The following ESRP1 variants were observed in gnomAD, a reference collection of about 807,000 sequenced individuals.
ESRP1 encodes the protein epithelial splicing regulatory protein 1.
Under a neutral mutation model 81.7 loss-of-function variants are expected in ESRP1, and 33 were observed. That is an observed-to-expected ratio of 0.40 (90% confidence interval 0.31 to 0.54). The LOEUF (loss-of-function observed/expected upper bound fraction) is 0.54, where lower values mean the gene tolerates loss of function less well. Ranked by LOEUF, ESRP1 falls within the 20% of genes least tolerant of loss-of-function variation. The pLI is 0.41. For synonymous variants in ESRP1, 320 were observed against 303.3 expected (o/e 1.06, Z -0.57); for missense variants, 672 against 833.1 (o/e 0.81, Z 2.38).
At chr8:94,679,953 T>A (rs919679100) in intron 13 of ESRP1, among the ~76,000 whole-genome samples, 1 of 151,942 alleles carries the variant, frequency 6.6e-6, no homozygotes, top group African/African-American at 2.4e-5. Flanking sequence ...AGTAAAAATA[T>A]AATTTAAGTT....
chr8:94,641,874 C>A, intron 1 of ESRP1, 82 bp from the exon 2 acceptor site: 1 of 1,569,658 alleles, frequency 6.4e-7, no homozygotes, highest in South Asian at 1.2e-5. Context: ...GCGGGCCGCC[C>A]CAGCAGGGGA....
intron 15 of ESRP1, among the ~76,000 whole-genome samples, chr8:94,702,779 A>T (rs1267315901): frequency 1.3e-5 from 2 of 152,090 alleles, no homozygotes; most frequent in South Asian, 4.1e-4. Context: ...CGCCACGCCC[A>T]GCCTTCAAGT....
At chr8:94,650,129 A>G (rs1818048812) in intron 4 of ESRP1, among the ~76,000 whole-genome samples, 1 of 152,166 alleles carries the variant, frequency 6.6e-6, no homozygotes, top group Non-Finnish European at 1.5e-5. Flanking sequence ...CAAAGTTCAT[A>G]GTTTACATTG....
Position 94,667,441 on chromosome 8 carries a change from A to AT in ESRP1, c.932-508_932-507insT, listed in dbSNP as rs1819087199. On this transcript the variant is annotated intron_variant, in intron 9 of 15. Transcript: ENST00000433389. ...TGTTTGAACCTTTCTTAATTAAAAA[A>AT]AAAAAAGGTAATTGAGTTACTTGCA... Among the ~76,000 whole-genome samples the AT allele has an allele frequency of 2.0e-5, 3 of 151,908 alleles. No homozygotes were observed. The South Asian group carries it at 6.3e-4, about 32-fold the overall frequency.
At position 94,641,346 on chromosome 8, in the gene ESRP1, G is replaced by T; in HGVS notation, c.28G>T (p.Val10Leu). 6.2e-7 allele frequency: 1 copy of T among 1,613,876 alleles called. No homozygotes were observed. Among genetic ancestry groups the T allele is most frequent in the Non-Finnish European group, 8.5e-7 (1 of 1,179,872 alleles). The change falls in exon 1 of 16, where the codon GTG (valine) becomes TTG (leucine). Residue 10 changes from valine (V) to leucine (L), a missense_variant. Transcript: ENST00000433389. ...GACGGCCTCTCCGGATTACTTGGTG[G>T]TGCTTTTTGGGATCACTGCTGGGGC... MTASPDYLV[V>L]LFGITAGATG...
intron 15 of ESRP1, among the ~76,000 whole-genome samples, chr8:94,702,779 A>G (rs1267315901): frequency 6.6e-6 from 1 of 152,090 alleles, no homozygotes; most frequent in Non-Finnish European, 1.5e-5. Flanking sequence ...CGCCACGCCC[A>G]GCCTTCAAGT....
At chr8:94,651,107 C>A (rs951573995) in intron 4 of ESRP1, among the ~76,000 whole-genome samples, 4 of 151,876 alleles carry the variant, frequency 2.6e-5, no homozygotes, top group Non-Finnish European at 5.9e-5. Context: ...GTGTTTAAGG[C>A]AGACTTTTTT....
chr8:94,693,511 T>C (rs1809484574), intron 14 of ESRP1, among the ~76,000 whole-genome samples: 2 of 152,234 alleles, frequency 1.3e-5, no homozygotes, highest in Admixed American at 1.3e-4. Context: ...GCAGATAGCT[T>C]TCTTTCCTCA....
At position 94,674,491 on chromosome 8, in the gene ESRP1, C is replaced by T; in HGVS notation, c.1636C>T (p.Pro546Ser). 1 of 1,612,876 alleles carries T rather than the reference C, an allele frequency of 6.2e-7. No individual in the cohort carries two copies. The highest frequency in any genetic ancestry group is 8.5e-7 in the Non-Finnish European group (1 of 1,179,386). Residue 546 changes from proline to serine, a missense_variant, in exon 12 of 16, where the codon CCA (proline) becomes TCA (serine). Physicochemically the swap from Pro to Ser is moderately conservative, Grantham distance 74. Coordinates refer to ENST00000433389, the MANE Select transcript of ESRP1 (RefSeq NM_017697.4). The part of the protein sequence containing the change: ...TLNRNGLSPP[P>S]CKLPCLSPPS... ...AAATCGAAATGGCTTATCCCCACCG[C>T]CATGTAAGTTACCATGTAAGTTTTT...
chr8:94,705,975 C>T lies in ESRP1; in HGVS notation c.*86C>T. On this transcript the variant is annotated 3_prime_UTR_variant, in exon 16 of 16. Coordinates refer to ENST00000433389, the MANE Select transcript of ESRP1 (RefSeq NM_017697.4). ...GAAACCTCCAGACACAAGAAAACTT[C>T]TAGCAAATTCAGGGGAAGTTTGTCT... 6.6e-7 allele frequency: 1 copy of T among 1,511,214 alleles called. No individual in the cohort carries two copies. Among genetic ancestry groups the T allele is most frequent in the South Asian group, 1.3e-5 (1 of 77,346 alleles). 93.6% of individuals were successfully genotyped at this position (1,511,214 alleles called of 1,614,324 possible). A position where few individuals can be genotyped will look rare whatever the true frequency, so the allele number is the denominator to read the frequency against.
chr8:94,679,399 T>C (rs1169777714), intron 13 of ESRP1, among the ~76,000 whole-genome samples: 2 of 152,218 alleles, frequency 1.3e-5, no homozygotes, highest in East Asian at 3.8e-4. Flanking sequence ...CCACCCTCTC[T>C]GGACCCTGTG....
chr8:94,652,699 A>G (rs1048911741), intron 4 of ESRP1, among the ~76,000 whole-genome samples: 1 of 152,056 alleles, frequency 6.6e-6, no homozygotes, highest in African/African-American at 2.4e-5. Flanking sequence ...GACTTCTAAT[A>G]TTGTGTTTAC....
intron 9 of ESRP1, among the ~76,000 whole-genome samples, chr8:94,666,416 A>G (rs1484795272): frequency 2.0e-5 from 3 of 152,200 alleles, no homozygotes; most frequent in African/African-American, 7.2e-5. Flanking sequence ...TTTGACTTTA[A>G]TATGTTGTCA....
intron 11 of ESRP1, among the ~76,000 whole-genome samples, chr8:94,672,142 AAAT>A (rs1301304237): frequency 6.6e-6 from 1 of 152,204 alleles, no homozygotes; most frequent in Non-Finnish European, 1.5e-5. Flanking sequence ...TTATTTTAAC[AAAT>A]AATCATATCT....
intron 13 of ESRP1, among the ~76,000 whole-genome samples, chr8:94,680,562 G>A (rs1288221889): frequency 6.6e-6 from 1 of 152,052 alleles, no homozygotes; most frequent in Non-Finnish European, 1.5e-5. Context: ...TGAGTAGCTG[G>A]CATTACAGGC....
rs1016881057 is a variant in ESRP1 at position 94,679,803 on chromosome 8, G to A, written c.1820+1432G>A. ...CGTTACTATCAGTTTGGTAATACAC[G>A]TGTATGCTTCTAAATAATGTGACAT... On this transcript the variant is annotated intron_variant, in intron 13 of 15. Coordinates refer to ENST00000433389, the MANE Select transcript of ESRP1 (RefSeq NM_017697.4). Among the ~76,000 whole-genome samples the A allele has an allele frequency of 2.6e-5, 4 of 152,134 alleles. No homozygotes were observed. In the East Asian group the frequency reaches 7.7e-4, roughly 29 times the overall value.
intron 15 of ESRP1, among the ~76,000 whole-genome samples, chr8:94,704,989 T>G (rs1810006659): frequency 6.6e-6 from 1 of 152,014 alleles, no homozygotes; most frequent in Non-Finnish European, 1.5e-5. Context: ...AACTTAATCA[T>G]TCTGTGCTTC....
chr8:94,679,753 A>G (rs1313447156), intron 13 of ESRP1, among the ~76,000 whole-genome samples: 1 of 151,974 alleles, frequency 6.6e-6, no homozygotes, highest in Non-Finnish European at 1.5e-5. Flanking sequence ...CTCCCATTTT[A>G]TACACCTCTG....
chr8:94,646,640 G>C (rs1474917204), intron 4 of ESRP1, among the ~76,000 whole-genome samples: 1 of 152,038 alleles, frequency 6.6e-6, no homozygotes, highest in African/African-American at 2.4e-5. Flanking sequence ...GTTTATTTTG[G>C]CTTCTTTGGA....
Sources: allele counts gnomAD v4.1 joint callset (sites outside exome capture counted in the v4.1 genomes callset), GRCh38; gene constraint gnomAD v4.1.1; transcripts MANE v1.5; gene names NCBI Gene and HGNC (gene_info 2026-07-23, HGNC 2026-07-21).